The following SH3KBP1 variants were observed in gnomAD, a reference collection of about 807,000 sequenced individuals.
The protein encoded by SH3KBP1 is SH3 domain containing kinase binding protein 1, also known as SH3 domain-containing kinase-binding protein 1.
Under a neutral mutation model 50.1 loss-of-function variants are expected in SH3KBP1, and 8 were observed. The ratio of observed to expected loss-of-function variants is 0.16; its 90% CI spans 0.09 to 0.29. The LOEUF is 0.29. Ranked by LOEUF, SH3KBP1 falls within the 10% of genes least tolerant of loss-of-function variation. The pLI is 1.00. For synonymous variants in SH3KBP1, 227 were observed against 218.6 expected, an observed-to-expected ratio of 1.04 and a Z score of -0.34; for missense variants, 377 against 535.2, an observed-to-expected ratio of 0.70 and a Z score of 2.92.
chrX:19,667,711 C>T (rs1051773341), intron 6 of SH3KBP1, among the ~76,000 whole-genome samples: 18 of 110,947 alleles, frequency 1.6e-4, no homozygotes, highest in Non-Finnish European at 3.2e-4. Context: ...AAAACCAATT[C>T]CACATATCTG....
chrX:19,702,636 A>C (rs978032763), intron 4 of SH3KBP1, among the ~76,000 whole-genome samples: 3 of 110,996 alleles, frequency 2.7e-5, no homozygotes, highest in African/African-American at 9.9e-5. Context: ...ATAGAAAAAC[A>C]AAGTGGCTTC....
intron 1 of SH3KBP1, among the ~76,000 whole-genome samples, chrX:19,840,236 A>G (rs764064220): frequency 6.8e-4 from 76 of 111,868 alleles, no homozygotes; most frequent in Non-Finnish European, 1.3e-3. Flanking sequence ...TAGAACTTTG[A>G]TGTCCAATAC....
At chrX:19,769,103 A>G (rs1376978182) in intron 2 of SH3KBP1, among the ~76,000 whole-genome samples, 3 of 88,799 alleles carry the variant, frequency 3.4e-5, no homozygotes, top group Non-Finnish European at 6.4e-5. Flanking sequence ...TTTTTGAGAC[A>G]GGGTCTAGCT....
intron 7 of SH3KBP1, among the ~76,000 whole-genome samples, chrX:19,642,527 C>T (rs770990555): frequency 8.9e-6 from 1 of 111,987 alleles, no homozygotes; most frequent in African/African-American, 3.2e-5. Flanking sequence ...AAGGATTTTT[C>T]CCCCCAACCC....
At chrX:19,857,403 G>C (rs1191623569) in intron 1 of SH3KBP1, among the ~76,000 whole-genome samples, 4 of 110,728 alleles carry the variant, frequency 3.6e-5, no homozygotes, top group African/African-American at 9.8e-5. Context: ...TGAGGCAGGG[G>C]AATAGAAGCA....
chrX:19,671,023 G>A (rs780744385), intron 6 of SH3KBP1: 233 of 1,053,297 alleles, frequency 2.2e-4, no homozygotes, highest in Non-Finnish European at 2.7e-4. Context: ...AACAAAGCTC[G>A]CATTTGTTTA....
At chrX:19,720,939 A>G (rs187268262) in intron 3 of SH3KBP1, among the ~76,000 whole-genome samples, 4 of 111,489 alleles carry the variant, frequency 3.6e-5, no homozygotes. Context: ...CCAGTTTTTA[A>G]AATCAGTACC....
At chrX:19,680,801 G>A (rs918682906) in intron 6 of SH3KBP1, among the ~76,000 whole-genome samples, 8 of 111,978 alleles carry the variant, frequency 7.1e-5, no homozygotes, top group Non-Finnish European at 1.5e-4. Flanking sequence ...GGTGGAGATA[G>A]TTTCAAATCC....
chrX:19,604,014 A>G (rs1481341145), intron 9 of SH3KBP1, among the ~76,000 whole-genome samples: 1 of 111,136 alleles, frequency 9.0e-6, no homozygotes, highest in African/African-American at 3.3e-5. Context: ...TATCTTTCAA[A>G]ATACCTATTC....
chrX:19,695,334 A>G (rs1332457479), intron 5 of SH3KBP1, among the ~76,000 whole-genome samples: 4 of 111,498 alleles, frequency 3.6e-5, no homozygotes, highest in Non-Finnish European at 7.5e-5. Flanking sequence ...CTAGAAGTAT[A>G]TGGAGGCACA....
chrX:19,769,927 T>A (rs1194224723), intron 2 of SH3KBP1, among the ~76,000 whole-genome samples: 1 of 111,729 alleles, frequency 9.0e-6, no homozygotes. Context: ...CTTGAAAATA[T>A]CGCTTAAAAT....
At chrX:19,772,115 A>T (rs778519692) in intron 2 of SH3KBP1, among the ~76,000 whole-genome samples, 10 of 111,206 alleles carry the variant, frequency 9.0e-5, no homozygotes, top group African/African-American at 3.3e-4. Context: ...TTGGTGGTTT[A>T]AAAAAAAGGA....
intron 8 of SH3KBP1, 43 bp from the exon 9 acceptor site, chrX:19,608,088 G>C: frequency 9.2e-7 from 1 of 1,084,749 alleles, no homozygotes; most frequent in Non-Finnish European, 1.3e-6. Flanking sequence ...GGGGCAAGCA[G>C]CCTCCAGAGG....
At chrX:19,705,098 C>T (rs1291297998) in intron 4 of SH3KBP1, among the ~76,000 whole-genome samples, 1 of 112,220 alleles carries the variant, frequency 8.9e-6, no homozygotes, top group Non-Finnish European at 1.9e-5. Flanking sequence ...TTAGGATTTT[C>T]ATAAGTAAAA....
In SH3KBP1 at chrX:19,726,666, C is replaced by T. The variant is rs754971892; in HGVS notation, c.286+19652G>A. Among the ~76,000 whole-genome samples, 9 of 85,958 alleles carry T rather than the reference C, an allele frequency of 1.0e-4. No individual in the cohort carries two copies. The East Asian group carries it at 2.6e-3, about 25-fold the overall frequency. 74.6% of individuals were successfully genotyped at this position (85,958 alleles called of 115,157 possible). On this transcript the variant is annotated intron_variant, in intron 3 of 17. Transcript: ENST00000397821. ...ATATTGTAGCAATAGATAACTGATA[C>T]GACAACACTTGACACAGCGCAAGTC...
At chrX:19,762,768 C>T (rs1302266279) in intron 2 of SH3KBP1, among the ~76,000 whole-genome samples, 2 of 111,742 alleles carry the variant, frequency 1.8e-5, no homozygotes. Context: ...TGTCACCATA[C>T]CACAGATGAA....
At chrX:19,545,350 TCTTC>T (rs768297318) in intron 15 of SH3KBP1, among the ~76,000 whole-genome samples, 1 of 112,592 alleles carries the variant, frequency 8.9e-6, no homozygotes, top group East Asian at 2.8e-4. Context: ...AAGTTAAATG[TCTTC>T]CTTGTTTCTC....
intron 2 of SH3KBP1, among the ~76,000 whole-genome samples, chrX:19,762,056 G>A (rs1389681635): frequency 1.8e-5 from 2 of 112,435 alleles, no homozygotes; most frequent in African/African-American, 3.2e-5. Context: ...AAGTGAAACT[G>A]CCTTTGCGAA....
intron 7 of SH3KBP1, among the ~76,000 whole-genome samples, chrX:19,645,169 G>C (rs1467695997): frequency 1.8e-5 from 2 of 111,908 alleles, no homozygotes; most frequent in Non-Finnish European, 3.8e-5. Context: ...CATATAGCAG[G>C]AGAGAACCAC....
Sources: allele counts gnomAD v4.1 joint callset (sites outside exome capture counted in the v4.1 genomes callset), GRCh38; gene constraint gnomAD v4.1.1; transcripts MANE v1.5; gene names NCBI Gene and HGNC (gene_info 2026-07-23, HGNC 2026-07-21).